The following CCNK variants were observed in gnomAD, a reference collection of about 807,000 sequenced individuals.
CCNK encodes cyclin K, also known as cyclin-K.
A neutral mutation model predicts 65.0 loss-of-function variants in CCNK; 9 were observed. That is an observed-to-expected ratio of 0.14 (90% CI 0.08 to 0.24). CCNK has a LOEUF of 0.24. Among genes scored for constraint, CCNK ranks in the 10% least tolerant of loss-of-function variants. The pLI is 1.00. For missense variants in CCNK, 474 were observed against 720.0 expected (o/e 0.66, Z 3.91); for synonymous variants, 279 against 270.8 (o/e 1.03, Z -0.30).
At chr14:99,481,549 G>T (rs1305767481) in intron 1 of CCNK, 70 bp downstream of exon 1, 1 of 398,310 alleles carries the variant, frequency 2.5e-6, no homozygotes, top group Non-Finnish European at 4.4e-6. Context: ...GTAGGTTATG[G>T]CCAACCGCCG....
At chr14:99,503,459 G>GT in intron 8 of CCNK, 152 bp from the exon 9 acceptor site, 1 of 641,356 alleles carries the variant, frequency 1.6e-6, no homozygotes, top group Non-Finnish European at 2.8e-6. Context: ...AGGTGCCGTG[G>GT]TTTGCCCTGA....
At chr14:99,504,918 G>C in intron 9 of CCNK, 1 of 152,420 alleles carries the variant, frequency 6.6e-6, no homozygotes, top group Admixed American at 6.5e-5. Flanking sequence ...TTTGAGCAGC[G>C]AGAGCAGAGG....
intron 10 of CCNK, chr14:99,509,241 G>C (rs1200540350): frequency 1.3e-5 from 2 of 152,294 alleles, no homozygotes; most frequent in East Asian, 3.8e-4. Context: ...CCTGTGGTCT[G>C]TCTCCTGGGC....
intron 1 of CCNK, among the ~76,000 whole-genome samples, chr14:99,490,587 T>C (rs1452942883): frequency 1.3e-5 from 2 of 152,190 alleles, no homozygotes; most frequent in African/African-American, 4.8e-5. Context: ...CCATCCTGTT[T>C]TTCCCCATTC....
intron 3 of CCNK, chr14:99,494,437 A>G (rs1427112677): frequency 6.6e-6 from 1 of 152,274 alleles, no homozygotes; most frequent in African/African-American, 2.4e-5. Context: ...TTAACATTAA[A>G]GTCATTGTGT....
chr14:99,502,358 C>A lies in CCNK; in HGVS notation c.727C>A (p.Pro243Thr). ...GTGGGAGCAGTTTGTTCAAGATGTC[C>A]CGGTCGACGTTTTGGAAGGTACCAG... is the stretch of plus-strand genomic sequence containing the variant. ...RWWEQFVQDV[P>T]VDVLEDICHQ... Residue 243 changes from proline to threonine, a missense_variant, in exon 7 of 11, where the codon CCG (proline) becomes ACG (threonine). Around this residue, in one of 6 missense-constraint regions of CCNK, gnomAD observed 67 missense variants for 150.2 expected, o/e 0.45. Transcript: ENST00000389879. 6.2e-7 allele frequency: 1 copy of A among 1,613,434 alleles called. No homozygotes were observed. Among genetic ancestry groups the A allele is most frequent in the Non-Finnish European group, 8.5e-7 (1 of 1,179,734 alleles).
chr14:99,492,073 G>T (rs569098932), intron 1 of CCNK: 4 of 152,360 alleles, frequency 2.6e-5, no homozygotes, highest in Admixed American at 6.5e-5. Context: ...CAAATCACAA[G>T]ATGCACATTT....
At chr14:99,496,119 C>G (rs1307134508) in intron 4 of CCNK, among the ~76,000 whole-genome samples, 2 of 152,180 alleles carry the variant, frequency 1.3e-5, no homozygotes, top group African/African-American at 2.4e-5. Context: ...GCCATCCTAT[C>G]TTTTCCATAC....
rs1302182253 is a variant in CCNK at position 99,510,460 on chromosome 14, AC to A, written c.1426del (p.His476MetfsTer104). The A allele has an allele frequency of 8.9e-7, 1 of 1,120,368 alleles. No individual in the cohort carries two copies. Among genetic ancestry groups the A allele is most frequent in the Admixed American group, 3.4e-5 (1 of 29,418 alleles). 69.4% of individuals were successfully genotyped at this position (1,120,368 alleles called of 1,614,324 possible). ...GGCCCACCTGCACACCTGCCCTACC[AC>A]CCCCATGTCTACCCGCCCAACCCGC... ...AYGPPAHLPYHPHVYPPNPPP... is the reference protein window; with the variant it reads ...AYGPPAHLPYXPHVYPPNPPP... On this transcript the variant is annotated frameshift_variant, in exon 11 of 11. Transcript: ENST00000389879. LOFTEE classifies it high-confidence loss of function.
Position 99,510,510 on chromosome 14 carries a change from C to T in CCNK, c.1471C>T (p.Pro491Ser), listed in dbSNP as rs1177345987. 3 of 769,474 alleles carry T rather than the reference C, an allele frequency of 3.9e-6. No homozygotes were observed. The highest frequency in any genetic ancestry group is 1.6e-5 in the South Asian group (1 of 61,336). The allele number at this position is 769,474 out of a possible 1,614,324, so 47.7% of individuals were successfully genotyped here. The change falls in exon 11 of 11, where the codon CCA (proline) becomes TCA (serine). Residue 491 changes from proline (P) to serine (S), a missense_variant. Physicochemically the swap from Pro to Ser is moderately conservative, Grantham distance 74. This residue lies in a region of CCNK where 38 missense variants were observed against 19.2 expected (regional missense o/e 1.98). Transcript: ENST00000389879. The stretch of plus-strand genomic sequence containing the variant: ...GCCCCCGCCACCTGTGCCTCCTCCC[C>T]CAGCCTCCTTCCCCCCACCTGCCAT... Reference protein sequence around the residue: ...NPPPPPVPPPPASFPPPAIPP... With the variant: ...NPPPPPVPPPSASFPPPAIPP...
chr14:99,510,127 G>T, intron 10 of CCNK, 30 bp from the exon 11 acceptor site: 1 of 1,574,944 alleles, frequency 6.3e-7, no homozygotes, highest in Non-Finnish European at 8.6e-7. Context: ...GCTGGCGGAG[G>T]CCGGGCACTG....
chr14:99,482,835 G>A (rs1048707715), intron 1 of CCNK, among the ~76,000 whole-genome samples: 1 of 146,892 alleles, frequency 6.8e-6, no homozygotes, highest in Non-Finnish European at 1.5e-5. Flanking sequence ...GTTCATTTCA[G>A]GACATTATAT....
chr14:99,505,463 A>G (rs1896950529), intron 9 of CCNK: 1 of 152,098 alleles, frequency 6.6e-6, no homozygotes, highest in African/African-American at 2.4e-5. Context: ...AAAGCTTTAT[A>G]TTGGTTACAT....
intron 6 of CCNK, 99 bp downstream of exon 6, chr14:99,501,512 C>T: frequency 1.2e-6 from 1 of 841,544 alleles, no homozygotes; most frequent in East Asian, 2.5e-5. Flanking sequence ...TCAGAAGAAA[C>T]TGACTTGCCC....
rs771243618 is a variant in CCNK at position 99,501,338 on chromosome 14, T to C, written c.518-18T>C. Reference sequence around the variant, plus strand: ...TTTTTCTATTGCTATTAATTTACCTTTTTGTCCCCATTTCTAGGTGATAAA... The same window carrying C: ...TTTTTCTATTGCTATTAATTTACCTCTTTGTCCCCATTTCTAGGTGATAAA... On this transcript the variant is annotated intron_variant, in intron 5 of 10. Coordinates refer to ENST00000389879, the MANE Select transcript of CCNK (RefSeq NM_001099402.2). 12 of 1,566,086 alleles carry C rather than the reference T, an allele frequency of 7.7e-6. No homozygotes were observed. In the African/African-American group the frequency reaches 1.2e-4, roughly 16 times the overall value.
intron 4 of CCNK, among the ~76,000 whole-genome samples, chr14:99,498,596 T>C (rs891607509): frequency 6.6e-6 from 1 of 152,226 alleles, no homozygotes; most frequent in Non-Finnish European, 1.5e-5. Flanking sequence ...TTTCAGCCTT[T>C]GTGTTGGGCA....
intron 1 of CCNK, among the ~76,000 whole-genome samples, chr14:99,491,564 ATTAGTTCAAGC>A (rs1896598490): frequency 6.8e-6 from 1 of 146,314 alleles, no homozygotes; most frequent in African/African-American, 2.5e-5. Context: ...AATGTAAATT[ATTAGTTCAAGC>A]TTTTCTCCAG....
intron 7 of CCNK, 49 bp downstream of exon 7, chr14:99,502,425 A>G: frequency 2.5e-6 from 4 of 1,592,074 alleles, no homozygotes; most frequent in Non-Finnish European, 2.6e-6. Context: ...TGTTGAGATG[A>G]TTCTTCCATG....
In CCNK at chr14:99,502,351, A is replaced by G. The variant is rs1172577685; in HGVS notation, c.720A>G (p.Gln240=). 5 of 1,613,782 alleles carry G rather than the reference A, an allele frequency of 3.1e-6. No homozygotes were observed. The highest frequency in any genetic ancestry group is 3.3e-5 in the Admixed American group (2 of 59,984). Residue 240 remains glutamine (Q), a synonymous_variant, in exon 7 of 11, where the codon CAA becomes CAG. Transcript: ENST00000389879. ...MYRRWWEQFV[Q]DVPVDVLEDI... ...GGAGATGGTGGGAGCAGTTTGTTCA[A>G]GATGTCCCGGTCGACGTTTTGGAAG...
Sources: gnomAD v4.1 joint callset for allele counts (sites outside exome capture counted in the v4.1 genomes callset) on GRCh38, gnomAD v4.1.1 for gene constraint, gnomAD v4.1.1 regional missense constraint, MANE v1.5 for transcripts, NCBI Gene and HGNC (gene_info 2026-07-23, HGNC 2026-07-21) for gene names.